PRR5L: variants seen among roughly 807,000 people sequenced by gnomAD.
PRR5L encodes proline-rich protein 5-like.
PRR5L carries 21 observed loss-of-function variants against 36.4 expected under a neutral mutation model. The ratio of observed to expected loss-of-function variants is 0.58; its 90% CI spans 0.41 to 0.83. The LOEUF (loss-of-function observed/expected upper bound fraction) is 0.83. Among genes scored for constraint, PRR5L ranks in the 40% least tolerant of loss-of-function variants. PRR5L has a pLI of 0.00. For missense variants in PRR5L, 381 were observed against 473.3 expected (o/e 0.80, Z 1.81); for synonymous variants, 188 against 197.0 (o/e 0.95, Z 0.38).
chr11:36,353,988 A>T (rs1393020201), intron 1 of PRR5L, among the ~76,000 whole-genome samples: 1 of 152,184 alleles, frequency 6.6e-6, no homozygotes, highest in Admixed American at 6.5e-5. Context: ...GAGACAAAGA[A>T]TCAATAGTCA....
At chr11:36,417,589 A>G (rs1370459634) in intron 3 of PRR5L, among the ~76,000 whole-genome samples, 3 of 152,238 alleles carry the variant, frequency 2.0e-5, no homozygotes, top group Non-Finnish European at 2.9e-5. Flanking sequence ...AGCATCCACA[A>G]CAGACAAATA....
chr11:36,409,594 A>G (rs1857982668), intron 3 of PRR5L, among the ~76,000 whole-genome samples: 1 of 152,138 alleles, frequency 6.6e-6, no homozygotes, highest in Non-Finnish European at 1.5e-5. Context: ...GACCCACAGT[A>G]GGGGGGAAGA....
At chr11:36,414,898 AG>A (rs1858108109) in intron 3 of PRR5L, among the ~76,000 whole-genome samples, 1 of 141,250 alleles carries the variant, frequency 7.1e-6, no homozygotes, top group Non-Finnish European at 1.5e-5. Flanking sequence ...ATAAGGTGTA[AG>A]GAAGGGATCC....
intron 1 of PRR5L, among the ~76,000 whole-genome samples, chr11:36,374,647 G>A (rs1857235208): frequency 6.6e-6 from 1 of 152,122 alleles, no homozygotes; most frequent in African/African-American, 2.4e-5. Context: ...CCAGGCCCTA[G>A]GGATAATGAT....
chr11:36,447,170 G>A (rs1351703531), intron 7 of PRR5L, among the ~76,000 whole-genome samples: 2 of 152,232 alleles, frequency 1.3e-5, no homozygotes, highest in Non-Finnish European at 2.9e-5. Context: ...CGTTAAGTGT[G>A]TTGTTTCCTT....
chr11:36,440,695 G>A (rs190739481), intron 6 of PRR5L, among the ~76,000 whole-genome samples: 12 of 152,216 alleles, frequency 7.9e-5, no homozygotes, highest in Non-Finnish European at 1.5e-4. Flanking sequence ...CCCGAGACTG[G>A]GTAATTTATA....
Position 36,316,030 on chromosome 11 carries a change from A to G in PRR5L, c.-126+19592A>G, listed in dbSNP as rs150854453. 4.4e-3 allele frequency among the ~76,000 whole-genome samples: 673 copies of G among 152,350 alleles called. 3 individuals carry two copies. The highest frequency in any genetic ancestry group is 7.7e-3 in the Non-Finnish European group (522 of 68,038). ...GGAGGCTTATCGGGACCAGGACATG[A>G]CAAAATCAACCTCCTCCTGATTGTT... On this transcript the variant is annotated intron_variant, in intron 1 of 8. Transcript: ENST00000530639.
chr11:36,366,037 T>C (rs749706120), intron 1 of PRR5L, among the ~76,000 whole-genome samples: 10 of 152,198 alleles, frequency 6.6e-5, no homozygotes, highest in Non-Finnish European at 1.5e-4. Flanking sequence ...ATGAGTGGTT[T>C]GGATGAGAAT....
chr11:36,425,409 A>G (rs1056329802), intron 4 of PRR5L: 16 of 152,212 alleles, frequency 1.1e-4, no homozygotes, highest in African/African-American at 3.4e-4. Context: ...AATGCCCTCA[A>G]GGAATCTCCA....
intron 1 of PRR5L, among the ~76,000 whole-genome samples, chr11:36,325,824 G>A (rs142146644): frequency 6.6e-5 from 10 of 152,188 alleles, no homozygotes; most frequent in Non-Finnish European, 1.0e-4. Context: ...GGCAATTACC[G>A]TTGTTTTTCA....
chr11:36,306,997 G>T (rs1374374), intron 1 of PRR5L, among the ~76,000 whole-genome samples: 554 of 152,234 alleles, frequency 3.6e-3, no homozygotes, highest in African/African-American at 0.013. Flanking sequence ...AAAAGACCCT[G>T]ATTGCCACAC....
At chr11:36,332,478 T>C (rs1243331610) in intron 1 of PRR5L, among the ~76,000 whole-genome samples, 2 of 152,174 alleles carry the variant, frequency 1.3e-5, no homozygotes, top group African/African-American at 4.8e-5. Flanking sequence ...CCTGAGTGAT[T>C]TTCTTAACCC....
intron 8 of PRR5L, among the ~76,000 whole-genome samples, chr11:36,458,465 A>AT (rs536418668): frequency 7.2e-5 from 11 of 152,262 alleles, no homozygotes; most frequent in African/African-American, 2.7e-4. Flanking sequence ...ATATCCTTTG[A>AT]TTTTGAAAAA....
chr11:36,321,187 T>C (rs1236670008), intron 1 of PRR5L: 1 of 152,226 alleles, frequency 6.6e-6, no homozygotes, highest in African/African-American at 2.4e-5. Context: ...TATTGGCCCA[T>C]GTAATTTGCT....
intron 1 of PRR5L, among the ~76,000 whole-genome samples, 178 bp from the exon 2 acceptor site, chr11:36,400,819 G>A (rs1227398308): frequency 6.6e-6 from 1 of 152,296 alleles, no homozygotes; most frequent in East Asian, 1.9e-4. Context: ...TGACCACACT[G>A]TTACAACCGA....
intron 1 of PRR5L, among the ~76,000 whole-genome samples, chr11:36,363,610 G>C (rs1857115912): frequency 1.3e-5 from 2 of 152,226 alleles, no homozygotes; most frequent in African/African-American, 4.8e-5. Context: ...TGCAAGGAGT[G>C]GAGGAAGGGC....
At chr11:36,376,601 C>T (rs565654922) in intron 1 of PRR5L, 5 of 990,226 alleles carry the variant, frequency 5.0e-6, no homozygotes, top group South Asian at 9.1e-5. Flanking sequence ...AGAAAACTTC[C>T]TCGGGAAGAC....
chr11:36,306,529 T>C (rs1856434058), intron 1 of PRR5L, among the ~76,000 whole-genome samples: 1 of 151,874 alleles, frequency 6.6e-6, no homozygotes, highest in South Asian at 2.1e-4. Context: ...TTGTGAGTAG[T>C]GGGTGCTGGC....
intron 3 of PRR5L, among the ~76,000 whole-genome samples, chr11:36,418,652 C>T (rs966658162): frequency 1.1e-4 from 16 of 151,908 alleles, no homozygotes; most frequent in Admixed American, 2.0e-4. Flanking sequence ...AAAAATTAGC[C>T]GGGCATGGTG....
Sources: allele counts gnomAD v4.1 joint callset (sites outside exome capture counted in the v4.1 genomes callset), GRCh38; gene constraint gnomAD v4.1.1; transcripts MANE v1.5; gene names NCBI Gene and HGNC (gene_info 2026-07-23, HGNC 2026-07-21).